Variants in RCOR1 observed in about 807,000 individuals in gnomAD.
RCOR1 encodes the protein REST corepressor.
RCOR1 carries 12 observed loss-of-function variants against 64.0 expected under a neutral mutation model. The observed-to-expected ratio is 0.19, with a 90% CI of 0.12 to 0.30. The LOEUF is 0.30. Ranked by LOEUF, RCOR1 falls within the 10% of genes least tolerant of loss-of-function variation. The pLI is 1.00. For synonymous variants in RCOR1, 279 were observed against 227.2 expected (o/e 1.23, Z -2.05); for missense variants, 502 against 621.2 (o/e 0.81, Z 2.04).
chr14:102,639,720 A>G (rs1894325710), intron 2 of RCOR1, among the ~76,000 whole-genome samples: 1 of 151,030 alleles, frequency 6.6e-6, no homozygotes, highest in South Asian at 2.1e-4. Context: ...TTTTGTGGAG[A>G]TGCAGTTTCA....
chr14:102,672,783 A>G (rs568896456), intron 2 of RCOR1, among the ~76,000 whole-genome samples: 10 of 152,178 alleles, frequency 6.6e-5, no homozygotes, highest in African/African-American at 2.4e-4. Flanking sequence ...AGAAATTGGA[A>G]CTCTCATACC....
intron 2 of RCOR1, among the ~76,000 whole-genome samples, chr14:102,678,188 C>T: frequency 6.6e-6 from 1 of 151,580 alleles, no homozygotes; most frequent in East Asian, 1.9e-4. Flanking sequence ...CAGAGGGAGA[C>T]CGTGGAAGGA....
intron 10 of RCOR1, 171 bp downstream of exon 10, chr14:102,721,548 C>A: frequency 5.0e-6 from 2 of 402,066 alleles, no homozygotes; most frequent in Non-Finnish European, 4.4e-6. Flanking sequence ...GAGACCCTGA[C>A]TTTAAAAAAA....
intron 2 of RCOR1, among the ~76,000 whole-genome samples, chr14:102,610,700 C>T (rs1195383507): frequency 1.3e-5 from 2 of 151,842 alleles, no homozygotes; most frequent in African/African-American, 4.8e-5. Context: ...GTAGCTGGGA[C>T]TGTAGGCGCC....
At chr14:102,650,179 C>T (rs1312419471) in intron 2 of RCOR1, among the ~76,000 whole-genome samples, 2 of 134,846 alleles carry the variant, frequency 1.5e-5, no homozygotes, top group Non-Finnish European at 3.1e-5. Context: ...GCCTGGGCGA[C>T]AGAGCGAGAC....
intron 2 of RCOR1, among the ~76,000 whole-genome samples, chr14:102,669,873 A>G (rs1894996932): frequency 6.6e-6 from 1 of 152,156 alleles, no homozygotes; most frequent in Non-Finnish European, 1.5e-5. Flanking sequence ...TCCCTAACAT[A>G]ATTAAGTTAA....
At chr14:102,709,036 A>T (rs761956068) in intron 6 of RCOR1, among the ~76,000 whole-genome samples, 14 of 152,094 alleles carry the variant, frequency 9.2e-5, no homozygotes, top group Non-Finnish European at 1.5e-4. Flanking sequence ...CTTAGTAAGG[A>T]TATTAGTTTT....
At chr14:102,694,860 A>T (rs1895612508) in intron 3 of RCOR1, among the ~76,000 whole-genome samples, 1 of 152,222 alleles carries the variant, frequency 6.6e-6, no homozygotes. Context: ...TTTAAAGAGA[A>T]TTTTTGCATG....
At chr14:102,596,281 A>G (rs919220576) in intron 2 of RCOR1, among the ~76,000 whole-genome samples, 10 of 151,826 alleles carry the variant, frequency 6.6e-5, no homozygotes, top group Middle Eastern at 3.4e-3. Context: ...TTTTGTATTT[A>G]TAGTAGAGAC....
intron 2 of RCOR1, chr14:102,662,192 C>T: frequency 4.7e-6 from 2 of 421,558 alleles, no homozygotes; most frequent in Non-Finnish European, 9.2e-6. Context: ...TTTATTTTTT[C>T]TGGTGAAAAG....
At position 102,662,517 on chromosome 14, in the gene RCOR1, C is replaced by T. The variant is rs200814762; in HGVS notation, c.362-19378C>T. On this transcript the variant is annotated intron_variant, in intron 2 of 11. Transcript: ENST00000262241. ...TGGTCAAGCTTGTTTCTCCTGGGGG[C>T]GCTCTTCTGAGGATATTTGGGCTGC... 7 of 513,478 alleles carry T rather than the reference C, an allele frequency of 1.4e-5. No homozygotes were observed. In the East Asian group the frequency reaches 2.1e-4, roughly 15 times the overall value. 31.8% of individuals were successfully genotyped at this position (513,478 alleles called of 1,614,324 possible). A position where few individuals can be genotyped will look rare whatever the true frequency, so the allele number is the denominator to read the frequency against.
chr14:102,626,648 TG>T (rs1893987915), intron 2 of RCOR1, among the ~76,000 whole-genome samples: 1 of 152,176 alleles, frequency 6.6e-6, no homozygotes, highest in Non-Finnish European at 1.5e-5. Context: ...GAAAAGCAGC[TG>T]ATTTGGGGTA....
intron 6 of RCOR1, among the ~76,000 whole-genome samples, chr14:102,709,191 C>G (rs1895912553): frequency 6.6e-6 from 1 of 152,170 alleles, no homozygotes; most frequent in South Asian, 2.1e-4. Context: ...ATGCCACAGG[C>G]TACACTGGGA....
At chr14:102,656,900 C>T (rs906319595) in intron 2 of RCOR1, among the ~76,000 whole-genome samples, 1 of 151,888 alleles carries the variant, frequency 6.6e-6, no homozygotes, top group Non-Finnish European at 1.5e-5. Flanking sequence ...CTCAGCCTCC[C>T]AAGCAGGTGG....
At chr14:102,653,971 CTTTCTTTCTTTCTTTTTTTT>C (rs1894659544) in intron 2 of RCOR1, among the ~76,000 whole-genome samples, 3 of 37,416 alleles carry the variant, frequency 8.0e-5, no homozygotes, top group South Asian at 1.2e-3. Context: ...TTCTTTCTTT[CTTTCTTTCTTTCTTTTTTTT>C]TTTTTTTTTT....
intron 2 of RCOR1, among the ~76,000 whole-genome samples, chr14:102,606,982 G>A (rs1373564526): frequency 7.0e-6 from 1 of 142,836 alleles, no homozygotes; most frequent in Non-Finnish European, 1.5e-5. Flanking sequence ...CGCCCAGGCT[G>A]GAGTGCAGTG....
At chr14:102,632,822 CT>C (rs1219950956) in intron 2 of RCOR1, among the ~76,000 whole-genome samples, 1 of 122,362 alleles carries the variant, frequency 8.2e-6, no homozygotes, top group African/African-American at 3.0e-5. Flanking sequence ...TCTTTCTTTT[CT>C]TTTTTTTGAG....
At chr14:102,676,991 G>A (rs1895183544) in intron 2 of RCOR1, among the ~76,000 whole-genome samples, 4 of 96,772 alleles carry the variant, frequency 4.1e-5, no homozygotes, top group Admixed American at 9.8e-5. Flanking sequence ...GGGCAGAGGC[G>A]CCCCTCACCT....
chr14:102,650,455 T>C (rs1894564072), intron 2 of RCOR1, among the ~76,000 whole-genome samples: 1 of 152,094 alleles, frequency 6.6e-6, no homozygotes, highest in Non-Finnish European at 1.5e-5. Context: ...CTGAGATTAG[T>C]CTATTCTGAA....
Sources: gnomAD v4.1 joint callset for allele counts (sites outside exome capture counted in the v4.1 genomes callset) on GRCh38, gnomAD v4.1.1 for gene constraint, MANE v1.5 for transcripts, NCBI Gene and HGNC (gene_info 2026-07-23, HGNC 2026-07-21) for gene names.